NTNG2: variants seen among roughly 807,000 people sequenced by gnomAD.
NTNG2 encodes netrin G2.
In NTNG2, 15 loss-of-function variants were observed where a neutral mutation model predicts 47.6. The ratio of observed to expected loss-of-function variants is 0.32; its 90% CI spans 0.21 to 0.49. NTNG2 has a LOEUF of 0.49. NTNG2 is among the 20% of genes least tolerant of loss of function. The pLI, the probability that NTNG2 is intolerant of heterozygous loss-of-function variation, is 0.99. For missense variants in NTNG2, 578 were observed against 764.6 expected (o/e 0.76, Z 2.88); for synonymous variants, 307 against 324.6 (o/e 0.95, Z 0.58).
chr9:132,178,786 CAAAAAAAAAA>C (rs57942639), intron 2 of NTNG2, among the ~76,000 whole-genome samples: 2 of 93,562 alleles, frequency 2.1e-5, no homozygotes, highest in South Asian at 3.6e-4. Flanking sequence ...ACTAAAAATA[CAAAAAAAAAA>C]AAAAAAAAAA....
At chr9:132,195,121 C>G (rs1838181367) in intron 2 of NTNG2, among the ~76,000 whole-genome samples, 2 of 152,174 alleles carry the variant, frequency 1.3e-5, no homozygotes, top group Non-Finnish European at 2.9e-5. Context: ...TTCTTTCTTT[C>G]ATTCATTAAT....
At chr9:132,172,553 T>C (rs1836003106) in intron 2 of NTNG2, among the ~76,000 whole-genome samples, 1 of 152,144 alleles carries the variant, frequency 6.6e-6, no homozygotes, top group African/African-American at 2.4e-5. Flanking sequence ...GCTTTTCCCC[T>C]GGACTGTGAG....
chr9:132,238,788 C>T (rs181118044), intron 5 of NTNG2, among the ~76,000 whole-genome samples: 1 of 152,354 alleles, frequency 6.6e-6, no homozygotes, highest in African/African-American at 2.4e-5. Flanking sequence ...CATCCTTCAG[C>T]GAGCGCTTGG....
rs575583461 is a variant in NTNG2 at position 132,195,742 on chromosome 9, C to T, written c.214-2224C>T. Among the ~76,000 whole-genome samples the T allele has an allele frequency of 3.8e-4, 57 of 151,382 alleles. 1 individual carries two copies. In the South Asian group the frequency reaches 9.2e-3, roughly 24 times the overall value. On this transcript the variant is annotated intron_variant, in intron 2 of 7. Transcript: ENST00000393229. ...ACTCCTGGGCTCAAGCAATCTCCAG[C>T]CCCAGCCTCCCAAGTAGCTAGGACC... is the stretch of plus-strand genomic sequence containing the variant.
intron 3 of NTNG2, among the ~76,000 whole-genome samples, chr9:132,219,301 G>C (rs575255667): frequency 6.6e-6 from 1 of 151,922 alleles, no homozygotes; most frequent in Non-Finnish European, 1.5e-5. Flanking sequence ...GGCTGGGCAC[G>C]GTGCTTCATG....
intron 2 of NTNG2, among the ~76,000 whole-genome samples, chr9:132,190,119 G>C (rs1011361195): frequency 1.3e-5 from 2 of 149,244 alleles, no homozygotes; most frequent in Non-Finnish European, 3.0e-5. Flanking sequence ...TGTAATCCCA[G>C]CTACTTGGGA....
chr9:132,191,217 G>A (rs1031640646), intron 2 of NTNG2, among the ~76,000 whole-genome samples: 2 of 152,124 alleles, frequency 1.3e-5, no homozygotes, highest in African/African-American at 2.4e-5. Context: ...AGCCGTTCCC[G>A]GGACAGTCCA....
intron 2 of NTNG2, among the ~76,000 whole-genome samples, chr9:132,184,100 G>C (rs1331625): frequency 0.84 from 128,103 of 152,260 alleles, 54,321 homozygotes; most frequent in African/African-American, 0.95. Flanking sequence ...CCCCAACGAC[G>C]AGCCAGGGTT....
At chr9:132,186,963 G>A (rs1001332366) in intron 2 of NTNG2, among the ~76,000 whole-genome samples, 3 of 152,280 alleles carry the variant, frequency 2.0e-5, no homozygotes, top group African/African-American at 7.2e-5. Context: ...ACTGTGGGCA[G>A]GGTTGAAAGG....
At chr9:132,238,072 T>C (rs1041564895) in intron 5 of NTNG2, among the ~76,000 whole-genome samples, 3 of 142,186 alleles carry the variant, frequency 2.1e-5, no homozygotes, top group African/African-American at 7.9e-5. Context: ...GATACACAGA[T>C]GGTGTTTCAA....
Position 132,206,590 on chromosome 9 carries a change from C to T in NTNG2, c.857+7981C>T, listed in dbSNP as rs192824016. ...GCTGAGGCAGGAGAATCACTTGAACCCAGAAGGCGGAGGTTGCAGTGAGCC... is the reference window on the plus strand; with the variant it reads ...GCTGAGGCAGGAGAATCACTTGAACTCAGAAGGCGGAGGTTGCAGTGAGCC... On this transcript the variant is annotated intron_variant, in intron 3 of 7. Transcript: ENST00000393229. Among the ~76,000 whole-genome samples, 971 of 152,308 alleles carry T rather than the reference C, an allele frequency of 6.4e-3. 17 individuals carry two copies. The East Asian group carries it at 0.069, about 11-fold the overall frequency.
At chr9:132,241,306 G>A in intron 7 of NTNG2, 3 of 532,318 alleles carry the variant, frequency 5.6e-6, no homozygotes, top group Non-Finnish European at 9.8e-6. Flanking sequence ...GGGGCCTGGT[G>A]AGATGGGGCC....
chr9:132,197,441 A>C lies in NTNG2; in HGVS notation c.214-525A>C, dbSNP rs1838395786. 6.6e-6 allele frequency among the ~76,000 whole-genome samples: 1 copy of C among 152,206 alleles called. No individual in the cohort carries two copies. The highest frequency in any genetic ancestry group is 1.5e-5 in the Non-Finnish European group (1 of 68,030). On this transcript the variant is annotated intron_variant, in intron 2 of 7. Transcript: ENST00000393229. This position sits in a 1 kb window ranked among gnomAD's most constrained non-coding sequence, Gnocchi z 4.3. ...AATAAAAGGCTCAGGAAGGTGACTC[A>C]GCTAAGGAGATATTTAGAGAGTCGA...
In NTNG2 at chr9:132,218,243, T is replaced by C. The variant is rs1323478268; in HGVS notation, c.858-8606T>C. Among the ~76,000 whole-genome samples the C allele has an allele frequency of 6.6e-6, 1 of 152,208 alleles. No individual in the cohort carries two copies. The highest frequency in any genetic ancestry group is 1.5e-5 in the Non-Finnish European group (1 of 68,046). On this transcript the variant is annotated intron_variant, in intron 3 of 7. Coordinates refer to ENST00000393229, the MANE Select transcript of NTNG2 (RefSeq NM_032536.4). This position sits in a 1 kb window ranked among gnomAD's most constrained non-coding sequence, Gnocchi z 5.4. ...AATCGAGCTGCTTGGATTCAAGTCC[T>C]GCGTCTGCCCCTTACCAGCTGTGGA... is the stretch of plus-strand genomic sequence containing the variant.
Position 132,180,930 on chromosome 9 carries a change from A to G in NTNG2, c.213+13886A>G, listed in dbSNP as rs1836889113. 6.6e-6 allele frequency among the ~76,000 whole-genome samples: 1 copy of G among 152,268 alleles called. No individual in the cohort carries two copies. The highest frequency in any genetic ancestry group is 2.4e-5 in the African/African-American group (1 of 41,556). On this transcript the variant is annotated intron_variant, in intron 2 of 7. Coordinates refer to ENST00000393229, the MANE Select transcript of NTNG2 (RefSeq NM_032536.4). This position sits in a 1 kb window ranked among gnomAD's most constrained non-coding sequence, Gnocchi z 4.2. ...ACACACACACACATATAAGGTTGCA[A>G]ACACTTTCAGGGACTTCCCAGATTT...
Position 132,242,363 on chromosome 9 carries a change from T to A in NTNG2, c.*252T>A, listed in dbSNP as rs1842043882. 6.0e-6 allele frequency: 1 copy of A among 165,606 alleles called. No homozygotes were observed. The highest frequency in any genetic ancestry group is 1.3e-5 in the Non-Finnish European group (1 of 78,282). 10.3% of individuals were successfully genotyped at this position (165,606 alleles called of 1,614,324 possible). ...TTCTTTTGTATTATCCGCCGCCCAG[T>A]TCCTTTTTTGTCTTTCTCTCTCTCT... is the stretch of plus-strand genomic sequence containing the variant. On this transcript the variant is annotated 3_prime_UTR_variant, in exon 8 of 8. Coordinates refer to ENST00000393229, the MANE Select transcript of NTNG2 (RefSeq NM_032536.4). This position sits in a 1 kb window ranked among gnomAD's most constrained non-coding sequence, Gnocchi z 5.9.
At position 132,226,888 on chromosome 9, in the gene NTNG2, C is replaced by T. The variant is rs540156186; in HGVS notation, c.897C>T (p.Arg299=). 5.7e-5 allele frequency: 92 copies of T among 1,611,854 alleles called. 2 individuals are homozygous for T. In the South Asian group the frequency reaches 6.8e-4, roughly 12 times the overall value. The change falls in exon 4 of 8, where the codon CGC becomes CGT. Residue 299 remains arginine, a synonymous_variant. Coordinates refer to ENST00000393229, the MANE Select transcript of NTNG2 (RefSeq NM_032536.4). The surrounding 1 kb of genome is among the most constrained non-coding windows in gnomAD (Gnocchi z 4.8). ...CNLHANLCSM[R]EGSLQCECEH... is the part of the protein sequence containing the mutation. ...TGCACGCCAACCTGTGCTCCATGCGCGAGGGCAGCCTGCAGTGCGAGTGCG... is the reference window on the plus strand; with the variant it reads ...TGCACGCCAACCTGTGCTCCATGCGTGAGGGCAGCCTGCAGTGCGAGTGCG...
chr9:132,184,584 G>A (rs1290520338), intron 2 of NTNG2, among the ~76,000 whole-genome samples: 2 of 152,230 alleles, frequency 1.3e-5, no homozygotes, highest in Non-Finnish European at 2.9e-5. Context: ...AAAGCTCCGC[G>A]GGGTGGAGGG....
At chr9:132,191,976 T>A (rs560302667) in intron 2 of NTNG2, among the ~76,000 whole-genome samples, 98 of 152,372 alleles carry the variant, frequency 6.4e-4, no homozygotes, top group Non-Finnish European at 1.1e-3. Flanking sequence ...AGGCAGCTAC[T>A]ACTTCTGATA....
Sources: allele counts gnomAD v4.1 joint callset (sites outside exome capture counted in the v4.1 genomes callset), GRCh38; gene constraint gnomAD v4.1.1; non-coding constraint Gnocchi (gnomAD v3.1); transcripts MANE v1.5; gene names NCBI Gene and HGNC (gene_info 2026-07-23, HGNC 2026-07-21).